TMEM234: variants seen among roughly 807,000 people sequenced by gnomAD.
The protein encoded by TMEM234 is chromosome 1 open reading frame 91.
In TMEM234, 21 loss-of-function variants were observed where a neutral mutation model predicts 17.8. That is an observed-to-expected ratio of 1.18 (90% CI 0.84 to 1.70). TMEM234 has a LOEUF of 1.70. Ranked by LOEUF, TMEM234 falls within the 40% of genes most tolerant of loss-of-function variation. The pLI is 0.00. For synonymous variants in TMEM234, 83 were observed against 73.5 expected (o/e 1.13, Z -0.66); for missense variants, 137 against 166.9 (o/e 0.82, Z 0.99).
rs954157586 is a variant in TMEM234 at position 32,222,051 on chromosome 1, C to A, written c.17-33G>T. 1.9e-6 allele frequency: 3 copies of A among 1,573,966 alleles called. No homozygotes were observed. In the Admixed American group the frequency reaches 5.5e-5, roughly 29 times the overall value. On this transcript the variant is annotated intron_variant, in intron 1 of 4. Coordinates refer to ENST00000309777, the MANE Select transcript of TMEM234 (RefSeq NM_019118.5). ...CAGACGAGTGAGTCACCCTGACCCC[C>A]ACCCCAAACGGCCGCCCACCCCGCC...
At position 32,216,921 on chromosome 1, in the gene TMEM234, C is replaced by A. The variant is rs751342645; in HGVS notation, c.355G>T (p.Val119Leu). The A allele has an allele frequency of 1.9e-6, 3 of 1,614,058 alleles. No individual in the cohort carries two copies. The highest frequency in any genetic ancestry group is 3.3e-5 in the Admixed American group (2 of 60,000). The change falls in exon 5 of 5, where the codon GTG (valine) becomes TTG (leucine). Residue 119 changes from valine (V) to leucine (L), a missense_variant. Coordinates refer to ENST00000309777, the MANE Select transcript of TMEM234 (RefSeq NM_019118.5). ...KRAVAGMVLT[V>L]IGISLCITSS... ...GTGATGCAGAGTGAAATTCCTATCA[C>A]GGTGAGCACCATGCCAGCAACTGCT...
downstream of TMEM234, chr1:32,215,062 A>T: frequency 7.3e-7 from 1 of 1,363,544 alleles, no homozygotes. Context: ...GGAAAAAAAA[A>T]AAAAAGATAA....
At chr1:32,215,858 G>A (rs753216846), downstream of TMEM234, 1 of 1,552,890 alleles carries the variant, frequency 6.4e-7, no homozygotes, top group Admixed American at 2.0e-5. Context: ...CTGGGGCTGG[G>A]GCTGCTATCT....
At position 32,221,953 on chromosome 1, in the gene TMEM234, C is replaced by G. The variant is rs1638956542; in HGVS notation, c.82G>C (p.Ala28Pro). 2 of 1,612,836 alleles carry G rather than the reference C, an allele frequency of 1.2e-6. No homozygotes were observed. Among genetic ancestry groups the G allele is most frequent in the Admixed American group, 3.3e-5 (2 of 60,008 alleles). ...TGAACCCGCTGCAGGCCGGCGGAGG[C>G]CCGCTTCAGCAGCGGCTGCGTGCCA... ...WGGTQPLLKRASAGLQRVHEP... is the reference protein window; with the variant it reads ...WGGTQPLLKRPSAGLQRVHEP... Residue 28 changes from alanine to proline, a missense_variant, in exon 2 of 5, where the codon GCC (alanine) becomes CCC (proline). Physicochemically the swap from Ala to Pro is conservative, Grantham distance 27. Transcript: ENST00000309777.
rs200305667 is a variant in TMEM234 at position 32,222,351 on chromosome 1, A to C, written c.-29T>G. 1 of 1,564,014 alleles carries C rather than the reference A, an allele frequency of 6.4e-7. No individual in the cohort carries two copies. The highest frequency in any genetic ancestry group is 1.9e-5 in the Admixed American group (1 of 53,700). On this transcript the variant is annotated 5_prime_UTR_variant, in exon 1 of 5. Coordinates refer to ENST00000309777, the MANE Select transcript of TMEM234 (RefSeq NM_019118.5). The stretch of plus-strand genomic sequence containing the variant: ...AACGCCGCTGTCTTCTACTTCCGGG[A>C]ACGAAGGGGCGGAGACCCATAATCC...
chr1:32,214,585 C>G (rs1014819262), downstream of TMEM234: 2 of 598,820 alleles, frequency 3.3e-6, no homozygotes, highest in Non-Finnish European at 5.7e-6. Flanking sequence ...CACTGGGCAT[C>G]GAGGAGTGCC....
intron 2 of TMEM234, 21 bp downstream of exon 2, chr1:32,221,846 G>A (rs776691524): frequency 2.5e-6 from 4 of 1,612,632 alleles, no homozygotes; most frequent in South Asian, 2.2e-5. Context: ...ACCGAGAGAG[G>A]GGCCTTTCAC....
chr1:32,215,983 C>A (rs984758640), downstream of TMEM234: 2 of 1,154,530 alleles, frequency 1.7e-6, no homozygotes, highest in Non-Finnish European at 2.5e-6. Context: ...CCTCAGGAGC[C>A]AGCACCTCCG....
downstream of TMEM234, chr1:32,214,665 T>C: frequency 7.4e-7 from 1 of 1,350,184 alleles, no homozygotes; most frequent in Non-Finnish European, 1.0e-6. Flanking sequence ...GAGGACGTAC[T>C]TTGTGAAGAC....
chr1:32,215,994 C>T, downstream of TMEM234: 1 of 1,061,376 alleles, frequency 9.4e-7, no homozygotes, highest in South Asian at 1.4e-5. Flanking sequence ...AGCACCTCCG[C>T]TGGGCTCACA....
downstream of TMEM234, chr1:32,215,560 G>A (rs755371601): frequency 2.2e-5 from 35 of 1,610,046 alleles, no homozygotes; most frequent in Middle Eastern, 1.7e-4. Context: ...TGTTGGATCA[G>A]GAAACAGTAT....
downstream of TMEM234, chr1:32,215,671 A>C: frequency 9.0e-7 from 1 of 1,106,254 alleles, no homozygotes; most frequent in Non-Finnish European, 1.3e-6. Context: ...CTAACTTCCT[A>C]CCTTGTTAAA....
Position 32,216,811 on chromosome 1 carries a change from G to A in TMEM234, c.*42C>T. ...CACTGCCAGCACTTCATGGCCCAGGGGCTTCCTGGAGGCAGCAGAGCTGGA... is the reference window on the plus strand; with the variant it reads ...CACTGCCAGCACTTCATGGCCCAGGAGCTTCCTGGAGGCAGCAGAGCTGGA... On this transcript the variant is annotated 3_prime_UTR_variant, in exon 5 of 5. Coordinates refer to ENST00000309777, the MANE Select transcript of TMEM234 (RefSeq NM_019118.5). 1 of 1,609,876 alleles carries A rather than the reference G, an allele frequency of 6.2e-7. No individual in the cohort carries two copies. Among genetic ancestry groups the A allele is most frequent in the Non-Finnish European group, 8.5e-7 (1 of 1,178,112 alleles).
At chr1:32,215,554 G>A, downstream of TMEM234, 1 of 1,611,294 alleles carries the variant, frequency 6.2e-7, no homozygotes, top group Admixed American at 1.7e-5. Context: ...GTAAGCTGTT[G>A]GATCAGGAAA....
Position 32,219,366 on chromosome 1 carries a change from C to T in TMEM234, c.235+1765G>A, listed in dbSNP as rs79074027. Among the ~76,000 whole-genome samples, 668 of 152,214 alleles carry T rather than the reference C, an allele frequency of 4.4e-3. 5 individuals are homozygous for T. The highest frequency in any genetic ancestry group is 0.015 in the African/African-American group (639 of 41,540). On this transcript the variant is annotated intron_variant, in intron 3 of 4. Transcript: ENST00000309777. ...TTGATACAACCCCACTTACAAAGAG[C>T]TGCTTTCTTTTTTGGTTGTTTTTCG...
In TMEM234 at chr1:32,216,843, T is replaced by C; in HGVS notation, c.*10A>G. The C allele has an allele frequency of 6.2e-7, 1 of 1,613,946 alleles. No individual in the cohort carries two copies. The highest frequency in any genetic ancestry group is 8.5e-7 in the Non-Finnish European group (1 of 1,179,964). ...TGGAGGCAGCAGAGCTGGAAGTGGG[T>C]TCGGCCCACTCAAAGGGTAGACTGT... On this transcript the variant is annotated 3_prime_UTR_variant, in exon 5 of 5. Coordinates refer to ENST00000309777, the MANE Select transcript of TMEM234 (RefSeq NM_019118.5).
chr1:32,214,912 C>G (rs1638255497), downstream of TMEM234: 2 of 1,613,860 alleles, frequency 1.2e-6, no homozygotes, highest in East Asian at 4.5e-5. Context: ...AGCAAGCTCC[C>G]CACACTCTCA....
intron 3 of TMEM234, among the ~76,000 whole-genome samples, chr1:32,218,621 G>T (rs1386821257): frequency 1.3e-5 from 2 of 151,976 alleles, no homozygotes; most frequent in Admixed American, 6.6e-5. Context: ...TGACCAACAT[G>T]GAGAAACCCC....
chr1:32,217,751 C>T (rs1213397942), intron 3 of TMEM234, among the ~76,000 whole-genome samples: 1 of 152,188 alleles, frequency 6.6e-6, no homozygotes, highest in African/African-American at 2.4e-5. Flanking sequence ...GCTTTGTGTA[C>T]ATATCTCAGT....
Sources: allele counts gnomAD v4.1 joint callset (sites outside exome capture counted in the v4.1 genomes callset), GRCh38; gene constraint gnomAD v4.1.1; transcripts MANE v1.5; gene names NCBI Gene and HGNC (gene_info 2026-07-23, HGNC 2026-07-21).